Variants in RDH12 observed in about 807,000 individuals in gnomAD.
RDH12 encodes all-trans and 9-cis retinol dehydrogenase.
Under a neutral mutation model 34.0 loss-of-function variants are expected in RDH12, and 21 were observed. The ratio of observed to expected loss-of-function variants is 0.62; its 90% confidence interval spans 0.44 to 0.89. The LOEUF is 0.89. Among genes scored for constraint, RDH12 ranks in the 40% least tolerant of loss-of-function variants. RDH12 has a pLI of 0.00. For missense variants in RDH12, 394 were observed against 398.6 expected, an observed-to-expected ratio of 0.99 and a Z score of 0.10; for synonymous variants, 198 against 169.9, an observed-to-expected ratio of 1.17 and a Z score of -1.29.
At chr14:67,732,035 G>A (rs1192467649) in intron 8 of RDH12, among the ~76,000 whole-genome samples, 1 of 151,092 alleles carries the variant, frequency 6.6e-6, no homozygotes, top group African/African-American at 2.4e-5. Flanking sequence ...GCTGAGGCAG[G>A]AGAATCACTT....
At chr14:67,711,535 C>G (rs1326174595) in intron 1 of RDH12, among the ~76,000 whole-genome samples, 2 of 151,932 alleles carry the variant, frequency 1.3e-5, no homozygotes, top group African/African-American at 4.8e-5. Flanking sequence ...TTTCTTTAAG[C>G]CAATTAATTA....
At chr14:67,727,260 A>T (rs2038198926) in intron 7 of RDH12, 70 bp downstream of exon 7, 1 of 1,229,678 alleles carries the variant, frequency 8.1e-7, no homozygotes, top group Non-Finnish European at 1.2e-6. Flanking sequence ...GCAACTTGGG[A>T]AGTCAGGCTG....
intron 1 of RDH12, among the ~76,000 whole-genome samples, chr14:67,716,196 CA>C (rs11446343): frequency 1.2e-3 from 128 of 108,636 alleles, no homozygotes; most frequent in East Asian, 2.0e-3. Flanking sequence ...GACTCCGTCT[CA>C]AAAAAAAAAA....
chr14:67,725,735 C>T (rs1313729972), intron 5 of RDH12, among the ~76,000 whole-genome samples: 9 of 152,148 alleles, frequency 5.9e-5, no homozygotes, highest in Admixed American at 2.0e-4. Context: ...GGCTCAGAGT[C>T]GGTAGTTAGT....
chr14:67,714,565 G>T, intron 1 of RDH12: 1 of 165,120 alleles, frequency 6.1e-6, no homozygotes, highest in South Asian at 1.5e-4. Context: ...CTAAGGGAAA[G>T]AGGAGGGACA....
intron 1 of RDH12, among the ~76,000 whole-genome samples, chr14:67,712,539 AAAAC>A (rs2038021701): frequency 6.6e-6 from 1 of 151,664 alleles, no homozygotes; most frequent in Non-Finnish European, 1.5e-5. Flanking sequence ...GGGTGAGAAA[AAAAC>A]AAAACAAAAA....
At position 67,713,774 on chromosome 14, in the gene RDH12, A is replaced by G. The variant is rs557504881; in HGVS notation, c.-274-7074A>G. Among the ~76,000 whole-genome samples, 6 of 152,210 alleles carry G rather than the reference A, an allele frequency of 3.9e-5. 1 individual carries two copies. The South Asian group carries it at 1.2e-3, about 32-fold the overall frequency. On this transcript the variant is annotated intron_variant, in intron 1 of 8. Transcript: ENST00000551171. ...GTCAGAGCACAGTTTGGTTTTATAC[A>G]TTCTAGGGATACGTGAGACATCAAT...
intron 8 of RDH12, 109 bp from the exon 9 acceptor site, chr14:67,733,637 G>A (rs2038314311): frequency 4.1e-6 from 3 of 733,974 alleles, no homozygotes; most frequent in Middle Eastern, 2.5e-4. Flanking sequence ...TTTGAGTCTG[G>A]CATATATTGT....
chr14:67,728,685 C>G (rs11846441), intron 7 of RDH12, among the ~76,000 whole-genome samples: 146,256 of 149,968 alleles, frequency 0.98, 71,415 homozygotes, highest in South Asian at 1. Context: ...AAATAGTGAC[C>G]GCACCAGGGA....
intron 7 of RDH12, chr14:67,728,002 C>G (rs757420752): frequency 6.6e-6 from 1 of 152,304 alleles, no homozygotes; most frequent in African/African-American, 2.4e-5. Context: ...ACATGCTAGC[C>G]GCATGTGGAT....
At chr14:67,710,984 G>C (rs1441788405) in intron 1 of RDH12, among the ~76,000 whole-genome samples, 1 of 152,132 alleles carries the variant, frequency 6.6e-6, no homozygotes, top group Non-Finnish European at 1.5e-5. Context: ...CAGTGAAAAA[G>C]ATTTAACTTA....
chr14:67,704,461 C>G (rs2037931502), intron 1 of RDH12, among the ~76,000 whole-genome samples: 1 of 152,074 alleles, frequency 6.6e-6, no homozygotes, highest in African/African-American at 2.4e-5. Context: ...AATAAATTAT[C>G]TTAGGCATTT....
At chr14:67,733,364 G>C (rs576681420) in intron 8 of RDH12, among the ~76,000 whole-genome samples, 1 of 152,214 alleles carries the variant, frequency 6.6e-6, no homozygotes, top group Admixed American at 6.5e-5. Context: ...CTTCAATTAC[G>C]AATGTAGGCA....
chr14:67,731,442 T>C (rs543088219), intron 8 of RDH12, among the ~76,000 whole-genome samples: 4 of 151,912 alleles, frequency 2.6e-5, no homozygotes, highest in Non-Finnish European at 5.9e-5. Flanking sequence ...CTTGAACTCC[T>C]GACCTCAAGT....
chr14:67,702,305 T>C (rs2140099485), intron 1 of RDH12, among the ~76,000 whole-genome samples: 1 of 152,208 alleles, frequency 6.6e-6, no homozygotes, highest in East Asian at 1.9e-4. Context: ...TATTAACCAT[T>C]TTTATAGCCT....
chr14:67,717,555 A>G lies in RDH12; in HGVS notation c.-274-3293A>G, dbSNP rs540340639. Among the ~76,000 whole-genome samples, 3 of 152,352 alleles carry G rather than the reference A, an allele frequency of 2.0e-5. No homozygotes were observed. In the East Asian group the frequency reaches 5.8e-4, roughly 29 times the overall value. On this transcript the variant is annotated intron_variant, in intron 1 of 8. Coordinates refer to ENST00000551171, the MANE Select transcript of RDH12 (RefSeq NM_152443.3). ...AATCCTTTTCAATACTACATACACC[A>G]GGGTTATCCTTTAGGCCTACATTCT...
chr14:67,722,746 C>A, intron 3 of RDH12, 36 bp downstream of exon 3: 1 of 1,532,642 alleles, frequency 6.5e-7, no homozygotes, highest in Non-Finnish European at 9.0e-7. Context: ...CAATCGTTTA[C>A]AAAGACCTGC....
At chr14:67,723,299 T>C (rs1224888365) in intron 3 of RDH12, among the ~76,000 whole-genome samples, 1 of 152,178 alleles carries the variant, frequency 6.6e-6, no homozygotes, top group African/African-American at 2.4e-5. Flanking sequence ...ATTGGTGTAG[T>C]CATAGGTCAC....
intron 1 of RDH12, among the ~76,000 whole-genome samples, chr14:67,710,822 G>T (rs2038001552): frequency 1.3e-5 from 2 of 151,176 alleles, no homozygotes; most frequent in African/African-American, 4.9e-5. Context: ...TATAACTTTA[G>T]ATTCTAAATT....
Sources: gnomAD v4.1 joint callset for allele counts (sites outside exome capture counted in the v4.1 genomes callset) on GRCh38, gnomAD v4.1.1 for gene constraint, MANE v1.5 for transcripts, NCBI Gene and HGNC (gene_info 2026-07-23, HGNC 2026-07-21) for gene names.